Variants in RABGAP1L observed in about 807,000 individuals in gnomAD.
RABGAP1L encodes the protein RAB GTPase activating protein 1 like.
RABGAP1L carries 63 observed loss-of-function variants against 137.7 expected under a neutral mutation model. The ratio of observed to expected loss-of-function variants is 0.46; its 90% confidence interval spans 0.37 to 0.56. RABGAP1L has a LOEUF of 0.56. Ranked by LOEUF, RABGAP1L falls within the 20% of genes least tolerant of loss-of-function variation. The pLI is 0.00. For missense variants in RABGAP1L, 1,095 were observed against 1,244.0 expected (o/e 0.88, Z 1.80); for synonymous variants, 431 against 433.7 (o/e 0.99, Z 0.08).
At chr1:174,211,905 A>G (rs571546430) in intron 1 of RABGAP1L, among the ~76,000 whole-genome samples, 2 of 152,182 alleles carry the variant, frequency 1.3e-5, no homozygotes, top group Non-Finnish European at 2.9e-5. Flanking sequence ...TATAATGACT[A>G]AAAGGTCAAT....
At chr1:174,578,919 T>C (rs1668554647) in intron 13 of RABGAP1L, among the ~76,000 whole-genome samples, 1 of 152,120 alleles carries the variant, frequency 6.6e-6, no homozygotes, top group Non-Finnish European at 1.5e-5. Context: ...TTCTTTGAAA[T>C]TGTTTTATTT....
chr1:174,348,998 C>G (rs1319876876), intron 11 of RABGAP1L, among the ~76,000 whole-genome samples: 2 of 151,492 alleles, frequency 1.3e-5, no homozygotes, highest in East Asian at 4.0e-4. Flanking sequence ...GGGGTGGTGG[C>G]CGGGCAGAGG....
intron 1 of RABGAP1L, among the ~76,000 whole-genome samples, chr1:174,182,871 T>C (rs1438402108): frequency 6.6e-6 from 1 of 152,252 alleles, no homozygotes; most frequent in East Asian, 1.9e-4. Flanking sequence ...AGTATGGCTA[T>C]TTAAAGTTTC....
At chr1:174,187,577 A>G (rs781331356) in intron 1 of RABGAP1L, among the ~76,000 whole-genome samples, 21 of 152,302 alleles carry the variant, frequency 1.4e-4, no homozygotes, top group Admixed American at 3.9e-4. Flanking sequence ...TATGCATTTA[A>G]TGAAATATGG....
intron 3 of RABGAP1L, among the ~76,000 whole-genome samples, chr1:174,227,934 C>G (rs949146221): frequency 3.4e-5 from 5 of 148,710 alleles, no homozygotes; most frequent in African/African-American, 1.2e-4. Context: ...TATTTAACTT[C>G]TCGTGCTCTT....
intron 13 of RABGAP1L, among the ~76,000 whole-genome samples, chr1:174,438,825 G>A (rs2149222315): frequency 7.0e-6 from 1 of 143,436 alleles, no homozygotes; most frequent in Non-Finnish European, 1.5e-5. Context: ...TCAGAGTAGA[G>A]GTTTTATACA....
intron 13 of RABGAP1L, among the ~76,000 whole-genome samples, chr1:174,475,843 G>A (rs1658449093): frequency 6.7e-6 from 1 of 148,632 alleles, no homozygotes; most frequent in Admixed American, 6.7e-5. Context: ...ATTATCTACA[G>A]GCCAGTAATT....
At chr1:174,168,333 A>G (rs1055506598) in intron 1 of RABGAP1L, among the ~76,000 whole-genome samples, 1 of 152,070 alleles carries the variant, frequency 6.6e-6, no homozygotes. Context: ...GACCATTGAA[A>G]AATCAACCAT....
intron 18 of RABGAP1L, among the ~76,000 whole-genome samples, chr1:174,783,325 A>G (rs1007882727): frequency 2.0e-5 from 3 of 152,148 alleles, no homozygotes; most frequent in African/African-American, 4.8e-5. Context: ...GCATGGCCCA[A>G]GGTTCCATTC....
At chr1:174,706,175 C>A (rs1357018366) in intron 17 of RABGAP1L, among the ~76,000 whole-genome samples, 1 of 152,060 alleles carries the variant, frequency 6.6e-6, no homozygotes, top group East Asian at 1.9e-4. Flanking sequence ...GAGGTTAAGC[C>A]AATAAAGTTA....
chr1:174,225,800 C>T (rs999575488), intron 3 of RABGAP1L, among the ~76,000 whole-genome samples: 4 of 152,146 alleles, frequency 2.6e-5, no homozygotes, highest in Non-Finnish European at 5.9e-5. Context: ...TGCTGTTTTG[C>T]AGAATCATAT....
intron 13 of RABGAP1L, among the ~76,000 whole-genome samples, chr1:174,464,165 C>T (rs984845569): frequency 6.6e-6 from 1 of 152,038 alleles, no homozygotes; most frequent in African/African-American, 2.4e-5. Context: ...TTCAAGAATG[C>T]CTTTTAGTGG....
intron 13 of RABGAP1L, among the ~76,000 whole-genome samples, chr1:174,524,633 A>G (rs927087596): frequency 6.6e-6 from 1 of 152,150 alleles, no homozygotes; most frequent in African/African-American, 2.4e-5. Context: ...GCTGTGCAGA[A>G]GCTTATTAGT....
intron 19 of RABGAP1L, among the ~76,000 whole-genome samples, chr1:174,814,450 G>A (rs1047948405): frequency 6.6e-6 from 1 of 152,100 alleles, no homozygotes; most frequent in Non-Finnish European, 1.5e-5. Context: ...ATGATTGTGA[G>A]GCAGATGTGA....
chr1:174,608,350 G>C (rs1670940586), intron 13 of RABGAP1L, among the ~76,000 whole-genome samples: 1 of 152,166 alleles, frequency 6.6e-6, no homozygotes, highest in African/African-American at 2.4e-5. Context: ...ATAAGGTGCT[G>C]CCTGTAGTGG....
At chr1:174,643,916 GGT>G (rs553946714) in intron 14 of RABGAP1L, among the ~76,000 whole-genome samples, 46 of 145,574 alleles carry the variant, frequency 3.2e-4, no homozygotes, top group Middle Eastern at 3.5e-3. Flanking sequence ...CTTATATAGG[GGT>G]GTGTGTGTGT....
rs527779618 is a variant in RABGAP1L, at chr1:174,753,137, G to C, written c.2211+783G>C. Among the ~76,000 whole-genome samples, 1,055 of 143,856 alleles carry C rather than the reference G, an allele frequency of 7.3e-3. 15 individuals are homozygous for C. Among genetic ancestry groups the C allele is most frequent in the African/African-American group, 0.03 (1,014 of 33,306 alleles). 94.4% of individuals were successfully genotyped at this position (143,856 alleles called of 152,430 possible). A position where few individuals can be genotyped will look rare whatever the true frequency, so the allele number is the denominator to read the frequency against. On this transcript the variant is annotated intron_variant, in intron 18 of 25. Transcript: ENST00000681986. ...AATTTTTCTAAGTGCTCAAAGTCTGGGTTTTGAGATAATAATAGGAATTAA... is the reference window on the plus strand; with the variant it reads ...AATTTTTCTAAGTGCTCAAAGTCTGCGTTTTGAGATAATAATAGGAATTAA...
At chr1:174,875,410 G>T in intron 19 of RABGAP1L, 2 of 395,534 alleles carry the variant, frequency 5.1e-6, no homozygotes, top group Non-Finnish European at 6.9e-6. Flanking sequence ...GTGCATAGGC[G>T]CTGCTGAACT....
intron 19 of RABGAP1L, among the ~76,000 whole-genome samples, chr1:174,952,364 AGC>A (rs903397700): frequency 2.0e-5 from 3 of 146,454 alleles, no homozygotes; most frequent in African/African-American, 7.4e-5. Context: ...AAAAAAAAAA[AGC>A]TAGGCATGGT....
Sources: gnomAD v4.1 joint callset for allele counts (sites outside exome capture counted in the v4.1 genomes callset) on GRCh38, gnomAD v4.1.1 for gene constraint, MANE v1.5 for transcripts, NCBI Gene and HGNC (gene_info 2026-07-23, HGNC 2026-07-21) for gene names.